RPAP1: variants seen among roughly 807,000 people sequenced by gnomAD.
RPAP1 encodes the protein RNA polymerase II-associated protein 1.
RPAP1 carries 109 observed loss-of-function variants against 142.4 expected under a neutral mutation model. The observed-to-expected ratio is 0.77, with a 90% CI of 0.66 to 0.90. The LOEUF (loss-of-function observed/expected upper bound fraction) is 0.90, where lower values mean the gene tolerates loss of function less well. RPAP1 is among the 40% of genes least tolerant of loss of function. The pLI, the probability that RPAP1 is intolerant of heterozygous loss-of-function variation, is 0.00. For missense variants in RPAP1, 1,546 were observed against 1,751.7 expected, an observed-to-expected ratio of 0.88 and a Z score of 2.10; for synonymous variants, 704 against 738.9, an observed-to-expected ratio of 0.95 and a Z score of 0.77.
chr15:41,528,172 G>A, intron 10 of RPAP1, 63 bp downstream of exon 10: 1 of 1,518,462 alleles, frequency 6.6e-7, no homozygotes, highest in South Asian at 1.2e-5. Context: ...GCAGGAGATG[G>A]GGAAGTCTGA....
chr15:41,526,976 T>C lies in RPAP1; in HGVS notation c.1839A>G (p.Leu613=), dbSNP rs779242733. 53 of 1,614,034 alleles carry C rather than the reference T, an allele frequency of 3.3e-5. No individual in the cohort carries two copies. Among genetic ancestry groups the C allele is most frequent in the Non-Finnish European group, 4.4e-5 (52 of 1,180,024 alleles). The change falls in exon 14 of 25, where the codon CTA becomes CTG. Residue 613 remains leucine, a synonymous_variant. Coordinates refer to ENST00000304330, the MANE Select transcript of RPAP1 (RefSeq NM_015540.4). ...SPVGAGPTPS[L]YKVPCATAMK... ...TGGCAGTAGCACAGGGTACTTTGTA[T>C]AGACTAGGGGTAGGCCCTGCCCCCA...
intron 15 of RPAP1, among the ~76,000 whole-genome samples, chr15:41,524,504 G>A (rs1375547869): frequency 8.0e-6 from 1 of 125,038 alleles, no homozygotes; most frequent in African/African-American, 3.2e-5. Context: ...GACATTCTCT[G>A]TTGCCCAGGC....
chr15:41,520,668 G>T lies in RPAP1; in HGVS notation c.3518C>A (p.Ser1173Tyr), dbSNP rs143565640. The T allele has an allele frequency of 6.2e-7, 1 of 1,614,046 alleles. No individual in the cohort carries two copies. Among genetic ancestry groups the T allele is most frequent in the African/African-American group, 1.3e-5 (1 of 74,930 alleles). The change falls in exon 22 of 25, where the codon TCC becomes TAC. Residue 1173 changes from serine (S) to tyrosine (Y), a missense_variant. Physicochemically the swap from Ser to Tyr is moderately radical, Grantham distance 144 (BLOSUM62 -2). This residue lies in a region of RPAP1 where 1,333 missense variants were observed against 1,486.6 expected (regional missense o/e 0.90). Transcript: ENST00000304330. ...FLVDSELFRE[S>Y]PVQHLVAALL... ...GGCTGCCACCAGATGCTGTACTGGG[G>T]ACTCCCGGAACAGCTCACTGTCCAC...
intron 6 of RPAP1, among the ~76,000 whole-genome samples, chr15:41,533,192 A>T (rs530042248): frequency 6.6e-6 from 1 of 152,220 alleles, no homozygotes; most frequent in African/African-American, 2.4e-5. Context: ...ATTAAAGGTC[A>T]GGCACGGTGG....
intron 14 of RPAP1, 96 bp downstream of exon 14, chr15:41,526,802 C>G (rs987597503): frequency 4.8e-6 from 6 of 1,262,082 alleles, no homozygotes; most frequent in Non-Finnish European, 6.6e-6. Context: ...AAGAAGATGG[C>G]AAGAGCTGGC....
chr15:41,523,279 G>T lies in RPAP1; in HGVS notation c.2512C>A (p.Gln838Lys). Residue 838 changes from glutamine to lysine, a missense_variant, in exon 18 of 25, where the codon CAG becomes AAG. By Grantham distance (53) the Gln-to-Lys change is moderately conservative. Around this residue, in one of 3 missense-constraint regions of RPAP1, gnomAD observed 1,333 missense variants for 1,486.6 expected, o/e 0.90. Coordinates refer to ENST00000304330, the MANE Select transcript of RPAP1 (RefSeq NM_015540.4). ...SEELLLPLLSQPTLGSLWDSL... is the reference protein window; with the variant it reads ...SEELLLPLLSKPTLGSLWDSL... ...TCCCACAGGCTGCCCAGTGTGGGCT[G>T]ACTCAGCAGTGGCAGCAGCAGCTCC... 2.5e-6 allele frequency: 4 copies of T among 1,611,938 alleles called. No individual in the cohort carries two copies. The highest frequency in any genetic ancestry group is 3.4e-6 in the Non-Finnish European group (4 of 1,178,930).
At chr15:41,538,842 T>C (rs2051941594) in intron 1 of RPAP1, among the ~76,000 whole-genome samples, 1 of 152,172 alleles carries the variant, frequency 6.6e-6, no homozygotes, top group African/African-American at 2.4e-5. Context: ...AACATTATAC[T>C]AAGTGAAAGA....
At chr15:41,528,976 A>G (rs993686282) in intron 9 of RPAP1, among the ~76,000 whole-genome samples, 2 of 152,124 alleles carry the variant, frequency 1.3e-5, no homozygotes, top group African/African-American at 4.8e-5. Flanking sequence ...ACAGTGCAGG[A>G]GGCATCATGA....
chr15:41,522,933 C>T lies in RPAP1; in HGVS notation c.2574G>A (p.Leu858=), dbSNP rs1489777158. ...GAGCTTCAAGGGCTGGCACACAGGA[C>T]AGCGGGTTGCAGAGAAGGGAGCAGT... ...LRHCSLLCNP[L]SCVPALEAPP... is the part of the protein sequence containing the mutation. The change falls in exon 19 of 25, where the codon CTG becomes CTA. Residue 858 remains leucine (L), a synonymous_variant. Coordinates refer to ENST00000304330, the MANE Select transcript of RPAP1 (RefSeq NM_015540.4). 5 of 1,552,974 alleles carry T rather than the reference C, an allele frequency of 3.2e-6. No individual in the cohort carries two copies. The highest frequency in any genetic ancestry group is 4.3e-6 in the Non-Finnish European group (5 of 1,159,584).
intron 21 of RPAP1, 43 bp from the exon 22 acceptor site, chr15:41,521,190 A>T (rs1412527086): frequency 6.6e-7 from 1 of 1,504,790 alleles, no homozygotes; most frequent in Admixed American, 2.3e-5. Flanking sequence ...CTGGAACCAC[A>T]GCACTTGGAG....
intron 6 of RPAP1, 148 bp from the exon 7 acceptor site, chr15:41,531,350 C>G (rs1044322575): frequency 4.7e-5 from 35 of 752,436 alleles, no homozygotes; most frequent in Non-Finnish European, 7.3e-5. Flanking sequence ...TCTGGGTGCT[C>G]CTGTGGCCCA....
chr15:41,540,979 C>T (rs1278018257), intron 1 of RPAP1, among the ~76,000 whole-genome samples: 1 of 152,124 alleles, frequency 6.6e-6, no homozygotes, highest in Non-Finnish European at 1.5e-5. Flanking sequence ...CATCAAACCT[C>T]CTCCCCTAGT....
chr15:41,539,279 G>GTTTTTT (rs758427701), intron 1 of RPAP1, among the ~76,000 whole-genome samples: 1 of 142,178 alleles, frequency 7.0e-6, no homozygotes, highest in Non-Finnish European at 1.6e-5. Context: ...GCTAATTTTT[G>GTTTTTT]TTTTTTTTTT....
At position 41,531,219 on chromosome 15, in the gene RPAP1, AG is replaced by A; in HGVS notation, c.764-18del. 5 of 1,600,230 alleles carry A rather than the reference AG, an allele frequency of 3.1e-6. No homozygotes were observed. The highest frequency in any genetic ancestry group is 4.3e-6 in the Non-Finnish European group (5 of 1,168,818). Reference sequence around the variant, plus strand: ...AGCTGGGGTCTAGAGGCGAAGGTAGAGGGGAGAGTGAGTGAGGGTAGATCCT... The same window carrying A: ...AGCTGGGGTCTAGAGGCGAAGGTAGAGGGAGAGTGAGTGAGGGTAGATCCT... On this transcript the variant is annotated intron_variant, in intron 6 of 24. Transcript: ENST00000304330.
intron 6 of RPAP1, among the ~76,000 whole-genome samples, chr15:41,531,600 C>CACATATATATATATATATATAT (rs1420926148): frequency 1.5e-5 from 1 of 67,642 alleles, no homozygotes; most frequent in African/African-American, 5.2e-5. Context: ...TGCACACACA[C>CACATATATATATATATATATAT]ATATATATAT....
At position 41,544,257 on chromosome 15, in the gene RPAP1, C is replaced by T. The variant is rs1056163870; in HGVS notation, c.-115G>A. On this transcript the variant is annotated 5_prime_UTR_variant, in exon 1 of 25. Transcript: ENST00000304330. ...GTCTGGGCGCCGCCATCTTGCCCCGCAGAGATCGCGTTTCCGCCGCCGCCA... is the reference window on the plus strand; with the variant it reads ...GTCTGGGCGCCGCCATCTTGCCCCGTAGAGATCGCGTTTCCGCCGCCGCCA... The T allele has an allele frequency of 1.6e-4, 25 of 152,806 alleles. No homozygotes were observed. Among genetic ancestry groups the T allele is most frequent in the African/African-American group, 6.0e-4 (25 of 41,528 alleles). The allele number at this position is 152,806 out of a possible 1,614,324, so 9.5% of individuals were successfully genotyped here.
chr15:41,529,652 T>A, intron 8 of RPAP1, 84 bp from the exon 9 acceptor site: 3 of 1,064,168 alleles, frequency 2.8e-6, no homozygotes, highest in Non-Finnish European at 4.3e-6. Flanking sequence ...CCCAGGCCTT[T>A]CAGGACTTAG....
rs1595480935 is a variant in RPAP1, at chr15:41,522,180, G to A, written c.2813C>T (p.Pro938Leu). The change falls in exon 20 of 25, where the codon CCA (proline) becomes CTA (leucine). Residue 938 changes from proline (P) to leucine (L), a missense_variant. By Grantham distance (98) the Pro-to-Leu change is moderately conservative. This residue lies in a region of RPAP1 where 1,333 missense variants were observed against 1,486.6 expected (regional missense o/e 0.90). Coordinates refer to ENST00000304330, the MANE Select transcript of RPAP1 (RefSeq NM_015540.4). ...CCATGCAGAGAAAGGTGTGAGGTGT[G>A]GGGCAGCCCCAGGAGCCACACACTG... ...FLQCVAPGAA[P>L]HLTPFSAWAL... 2 of 1,614,084 alleles carry A rather than the reference G, an allele frequency of 1.2e-6. No homozygotes were observed. The highest frequency in any genetic ancestry group is 1.7e-6 in the Non-Finnish European group (2 of 1,180,018).
At chr15:41,537,640 GTA>G (rs1396664967) in intron 1 of RPAP1, among the ~76,000 whole-genome samples, 3 of 152,164 alleles carry the variant, frequency 2.0e-5, no homozygotes, top group African/African-American at 4.8e-5. Context: ...CCAGCATTTT[GTA>G]AGGCCGAGGA....
Sources: gnomAD v4.1 joint callset for allele counts (sites outside exome capture counted in the v4.1 genomes callset) on GRCh38, gnomAD v4.1.1 for gene constraint, gnomAD v4.1.1 regional missense constraint, MANE v1.5 for transcripts, NCBI Gene and HGNC (gene_info 2026-07-23, HGNC 2026-07-21) for gene names.